INPP5F: variants seen among roughly 807,000 people sequenced by gnomAD.
INPP5F encodes phosphatidylinositide 4-phosphatase SAC2.
In INPP5F, 97 loss-of-function variants were observed where a neutral mutation model predicts 137.2. The ratio of observed to expected loss-of-function variants is 0.71; its 90% CI spans 0.60 to 0.84. The LOEUF (loss-of-function observed/expected upper bound fraction) is 0.84. Among genes scored for constraint, INPP5F ranks in the 40% least tolerant of loss-of-function variants. INPP5F has a pLI of 0.00. For synonymous variants in INPP5F, 504 were observed against 476.9 expected (o/e 1.06, Z -0.74); for missense variants, 1,271 against 1,371.9 (o/e 0.93, Z 1.16).
chr10:119,811,798 A>G lies in INPP5F; in HGVS notation c.1729A>G (p.Ile577Val), dbSNP rs1315456422. The change falls in exon 15 of 20, where the codon ATA becomes GTA. Residue 577 changes from isoleucine to valine, a missense_variant. This residue lies in a region of INPP5F where 593 missense variants were observed against 712.4 expected (regional missense o/e 0.83). Transcript: ENST00000650623. ...TCCAGTGACAGAAGATCTTTATTCC[A>G]TATTTACCAAGGAGAAAGAACATGA... ...GIPVTEDLYS[I>V]FTKEKEHEAL... 6.2e-7 allele frequency: 1 copy of G among 1,614,168 alleles called. No homozygotes were observed. The highest frequency in any genetic ancestry group is 8.5e-7 in the Non-Finnish European group (1 of 1,179,966).
In INPP5F at chr10:119,826,884, G is replaced by A; in HGVS notation, c.2503G>A (p.Glu835Lys). ...ATCAGATAGTAGTCTTGAAACTATG[G>A]AAAACACAGGAGTGATGGATAAGGT... ...WKSDSSLETMENTGVMDKVQA... is the reference protein window; with the variant it reads ...WKSDSSLETMKNTGVMDKVQA... Residue 835 changes from glutamate (E) to lysine (K), a missense_variant, in exon 20 of 20, where the codon GAA (glutamate) becomes AAA (lysine). Glu to Lys is a moderately conservative substitution (Grantham distance 56, BLOSUM62 1). Around this residue, in one of 6 missense-constraint regions of INPP5F, gnomAD observed 490 missense variants for 443.7 expected, o/e 1.10. Transcript: ENST00000650623. The A allele has an allele frequency of 1.2e-6, 2 of 1,614,110 alleles. No individual in the cohort carries two copies. The highest frequency in any genetic ancestry group is 1.3e-5 in the African/African-American group (1 of 75,030).
Position 119,796,709 on chromosome 10 carries a change from T to C in INPP5F, c.670-6T>C, listed in dbSNP as rs992700708. 10 of 1,611,454 alleles carry C rather than the reference T, an allele frequency of 6.2e-6. No individual in the cohort carries two copies. The highest frequency in any genetic ancestry group is 8.5e-6 in the Non-Finnish European group (10 of 1,177,474). The stretch of plus-strand genomic sequence containing the variant: ...AGAAACGATATCATGTTCATTTTGT[T>C]TTCAGACTCCAGATGTGGACTTTTG... On this transcript the variant is annotated splice_polypyrimidine_tract_variant and splice_region_variant and intron_variant, in intron 6 of 19. Transcript: ENST00000650623.
At chr10:119,784,154 A>G (rs1469453655) in intron 3 of INPP5F, among the ~76,000 whole-genome samples, 1 of 152,224 alleles carries the variant, frequency 6.6e-6, no homozygotes, top group African/African-American at 2.4e-5. Flanking sequence ...TTCAATTTCC[A>G]TATAACTCAA....
At chr10:119,764,386 A>G (rs1849093820) in intron 2 of INPP5F, among the ~76,000 whole-genome samples, 1 of 152,124 alleles carries the variant, frequency 6.6e-6, no homozygotes, top group South Asian at 2.1e-4. Flanking sequence ...ACCCTTGGAC[A>G]ACACAAGTTT....
At chr10:119,749,943 T>G (rs1053442859) in intron 1 of INPP5F, among the ~76,000 whole-genome samples, 5 of 152,122 alleles carry the variant, frequency 3.3e-5, no homozygotes, top group African/African-American at 1.2e-4. Flanking sequence ...CATGCCTGGC[T>G]AATTTTTGTA....
Position 119,827,238 on chromosome 10 carries a change from GC to G in INPP5F, c.2859del (p.Lys954SerfsTer18). On this transcript the variant is annotated frameshift_variant, in exon 20 of 20. Transcript: ENST00000650623. LOFTEE classifies it high-confidence loss of function. Reference sequence around the variant, plus strand: ...CGACGTACACATATTGACTGGCTTTGCCAAGCCTATGGATATTTACTGCCAC... The same window carrying G: ...CGACGTACACATATTGACTGGCTTTGCAAGCCTATGGATATTTACTGCCAC... ...AGDVHILTGFAKPMDIYCHRF... is the reference protein window; with the variant it reads ...AGDVHILTGFXKPMDIYCHRF... 1 of 1,614,074 alleles carries G rather than the reference GC, an allele frequency of 6.2e-7. No individual in the cohort carries two copies. Among genetic ancestry groups the G allele is most frequent in the Non-Finnish European group, 8.5e-7 (1 of 1,180,020 alleles).
chr10:119,789,479 G>C (rs1850056521), intron 3 of INPP5F, among the ~76,000 whole-genome samples: 1 of 152,136 alleles, frequency 6.6e-6, no homozygotes, highest in African/African-American at 2.4e-5. Context: ...CAGTGATGCT[G>C]TATCAAGGAG....
chr10:119,791,658 T>C lies in INPP5F; in HGVS notation c.444+13T>C. On this transcript the variant is annotated intron_variant, in intron 4 of 19. Transcript: ENST00000650623. ...TAATAAAAAGAAAGTAAGAGTTTAA[T>C]TGATATAGGCTTTGAATTCACCTTT... 1.9e-6 allele frequency: 3 copies of C among 1,589,258 alleles called. No individual in the cohort carries two copies. The highest frequency in any genetic ancestry group is 2.6e-6 in the Non-Finnish European group (3 of 1,161,152).
At position 119,807,957 on chromosome 10, in the gene INPP5F, C is replaced by T. The variant is rs777077752; in HGVS notation, c.1466C>T (p.Pro489Leu). 33 of 1,612,598 alleles carry T rather than the reference C, an allele frequency of 2.0e-5. No individual in the cohort carries two copies. Among genetic ancestry groups the T allele is most frequent in the African/African-American group, 5.3e-5 (4 of 74,870 alleles). Residue 489 changes from proline to leucine, a missense_variant, in exon 13 of 20, where the codon CCG (proline) becomes CTG (leucine). This residue lies in a region of INPP5F where 593 missense variants were observed against 712.4 expected (regional missense o/e 0.83). Transcript: ENST00000650623. ...QQLKKLGVMP[P>L]EQPLPVKCNR... ...CTGAAAAAATTAGGTGTGATGCCCC[C>T]GGAACAGCCATTACCTGTGAAATGT...
rs773438007 is a variant in INPP5F at position 119,827,351 on chromosome 10, A to G, written c.2970A>G (p.Gln990=). Residue 990 remains glutamine, a synonymous_variant, in exon 20 of 20, where the codon CAA becomes CAG. Transcript: ENST00000650623. ...VSQQASQERN[Q]MTNQVSNETQ... ...AGCAGGCTAGTCAGGAAAGAAATCAAATGACCAATCAAGTTTCAAATGAAA... is the reference window on the plus strand; with the variant it reads ...AGCAGGCTAGTCAGGAAAGAAATCAGATGACCAATCAAGTTTCAAATGAAA... 2 of 1,614,212 alleles carry G rather than the reference A, an allele frequency of 1.2e-6. No individual in the cohort carries two copies. Among genetic ancestry groups the G allele is most frequent in the East Asian group, 2.2e-5 (1 of 44,894 alleles).
At chr10:119,738,737 A>T (rs1220925044) in intron 1 of INPP5F, among the ~76,000 whole-genome samples, 1 of 152,134 alleles carries the variant, frequency 6.6e-6, no homozygotes, top group African/African-American at 2.4e-5. Context: ...GAGCAGCTCG[A>T]CACAACACAC....
At chr10:119,791,400 C>G (rs1850138610) in intron 3 of INPP5F, 117 bp from the exon 4 acceptor site, 3 of 773,496 alleles carry the variant, frequency 3.9e-6, no homozygotes, top group South Asian at 1.7e-5. Context: ...GATAATTTTT[C>G]TAACTCTTGA....
intron 2 of INPP5F, among the ~76,000 whole-genome samples, chr10:119,754,869 G>C (rs1039688526): frequency 6.6e-6 from 1 of 152,160 alleles, no homozygotes. Flanking sequence ...GTATGTGCCT[G>C]CTGTGTGTGA....
At chr10:119,730,620 A>G (rs978706439) in intron 1 of INPP5F, among the ~76,000 whole-genome samples, 2 of 152,196 alleles carry the variant, frequency 1.3e-5, no homozygotes, top group Non-Finnish European at 2.9e-5. Flanking sequence ...TTTGTCTGAT[A>G]TGACAGTATT....
rs534972732 is a variant in INPP5F, at chr10:119,794,476, C to G, written c.670-2239C>G. ...CTCAATCTTTTCCCCACCTTTCCCC[C>G]CTTTCTATTCCACAAAACCGCCATT... is the stretch of plus-strand genomic sequence containing the variant. On this transcript the variant is annotated intron_variant, in intron 6 of 19. Coordinates refer to ENST00000650623, the MANE Select transcript of INPP5F (RefSeq NM_014937.4). Among the ~76,000 whole-genome samples the G allele has an allele frequency of 8.4e-4, 128 of 152,118 alleles. 1 individual carries two copies. The highest frequency in any genetic ancestry group is 8.1e-3 in the South Asian group (39 of 4,810).
intron 1 of INPP5F, among the ~76,000 whole-genome samples, chr10:119,749,461 G>A (rs147876714): frequency 2.0e-5 from 3 of 152,360 alleles, no homozygotes; most frequent in African/African-American, 7.2e-5. Flanking sequence ...TCTCTGGGTG[G>A]TGGGATAGGT....
At chr10:119,779,120 T>C (rs1365468530) in intron 2 of INPP5F, among the ~76,000 whole-genome samples, 1 of 152,168 alleles carries the variant, frequency 6.6e-6, no homozygotes, top group African/African-American at 2.4e-5. Context: ...GGTGGATACA[T>C]ATAGTTATGC....
At position 119,805,352 on chromosome 10, in the gene INPP5F, A is replaced by G. The variant is rs757740143; in HGVS notation, c.1242-32A>G. 2.6e-6 allele frequency: 4 copies of G among 1,548,684 alleles called. No individual in the cohort carries two copies. In the East Asian group the frequency reaches 9.0e-5, roughly 35 times the overall value. On this transcript the variant is annotated intron_variant, in intron 10 of 19. Transcript: ENST00000650623. ...TTAAAAAAATCTATGATTAAATTAA[A>G]GATTTTTTCTTTCTTTTGGCATGGA...
intron 2 of INPP5F, among the ~76,000 whole-genome samples, chr10:119,751,939 A>G (rs1288129598): frequency 2.0e-5 from 3 of 152,164 alleles, no homozygotes; most frequent in Non-Finnish European, 4.4e-5. Context: ...CCTAAATGAA[A>G]TATTTTAAGC....
Sources: gnomAD v4.1 joint callset for allele counts (sites outside exome capture counted in the v4.1 genomes callset) on GRCh38, gnomAD v4.1.1 for gene constraint, gnomAD v4.1.1 regional missense constraint, MANE v1.5 for transcripts, NCBI Gene and HGNC (gene_info 2026-07-23, HGNC 2026-07-21) for gene names.